ABHD3: variants seen among roughly 807,000 people sequenced by gnomAD.
The protein encoded by ABHD3 is abhydrolase domain containing 3, phospholipase, also known as phospholipase ABHD3.
In ABHD3, 46 loss-of-function variants were observed where a neutral mutation model predicts 48.8. The observed-to-expected ratio is 0.94, with a 90% CI of 0.74 to 1.20. ABHD3 has a LOEUF of 1.20. Ranked by LOEUF, ABHD3 falls within the 50% of genes most tolerant of loss-of-function variation. ABHD3 has a pLI of 0.00. For synonymous variants in ABHD3, 192 were observed against 183.7 expected (o/e 1.04, Z -0.36); for missense variants, 490 against 497.8 (o/e 0.98, Z 0.15).
intron 5 of ABHD3, 26 bp downstream of exon 5, chr18:21,664,092 A>C: frequency 6.3e-7 from 1 of 1,594,040 alleles, no homozygotes. Flanking sequence ...CCTCTCAGAG[A>C]TTATTTTAGA....
intron 3 of ABHD3, among the ~76,000 whole-genome samples, chr18:21,697,242 ATT>A (rs2040391419): frequency 6.6e-6 from 1 of 151,542 alleles, no homozygotes; most frequent in Non-Finnish European, 1.5e-5. Context: ...TACCTGGCTA[ATT>A]TTTGTATTTT....
At chr18:21,661,363 C>T (rs1296323213) in intron 5 of ABHD3, among the ~76,000 whole-genome samples, 20 of 151,998 alleles carry the variant, frequency 1.3e-4, no homozygotes, top group Non-Finnish European at 1.5e-5. Flanking sequence ...TCCAGCCGGG[C>T]GCAGTGGCTC....
intron 4 of ABHD3, among the ~76,000 whole-genome samples, chr18:21,666,743 A>C (rs2039640364): frequency 2.0e-5 from 3 of 152,194 alleles, no homozygotes; most frequent in Admixed American, 2.0e-4. Context: ...AATATATAAC[A>C]CATTTAAACA....
At chr18:21,674,255 T>C (rs1055152799) in intron 4 of ABHD3, among the ~76,000 whole-genome samples, 1 of 152,028 alleles carries the variant, frequency 6.6e-6, no homozygotes, top group Non-Finnish European at 1.5e-5. Flanking sequence ...TTTTTTTTTT[T>C]TTTTGAGCTA....
intron 1 of ABHD3, 76 bp from the exon 2 acceptor site, chr18:21,703,823 C>CT: frequency 6.6e-7 from 1 of 1,526,164 alleles, no homozygotes; most frequent in East Asian, 2.3e-5. Context: ...CCGGCAAAGA[C>CT]TTGTCGCTCG....
intron 3 of ABHD3, among the ~76,000 whole-genome samples, chr18:21,696,720 G>A (rs566728929): frequency 6.6e-6 from 1 of 151,396 alleles, no homozygotes; most frequent in South Asian, 2.1e-4. Flanking sequence ...ATTATTCATT[G>A]TTATTATTTA....
intron 4 of ABHD3, among the ~76,000 whole-genome samples, chr18:21,678,141 G>A (rs1360876872): frequency 6.6e-6 from 1 of 151,438 alleles, no homozygotes; most frequent in Admixed American, 6.6e-5. Context: ...TTTTTGTAGA[G>A]ACAAGATCTT....
chr18:21,683,517 TA>T, intron 4 of ABHD3: 1 of 513,274 alleles, frequency 1.9e-6, no homozygotes, highest in African/African-American at 2.0e-5. Context: ...TGTTTTGCAT[TA>T]AAAATGAGGC....
Position 21,703,754 on chromosome 18 carries a change from G to A in ABHD3, c.163-7C>T. On this transcript the variant is annotated splice_region_variant and splice_polypyrimidine_tract_variant and intron_variant, in intron 1 of 8. Transcript: ENST00000289119. ...CGGTCACTAACTGGGGTTTCTGAAG[G>A]GAAAAGCAGTATCAGAGAAGGGCCC... The A allele has an allele frequency of 3.1e-6, 5 of 1,612,028 alleles. No individual in the cohort carries two copies. Among genetic ancestry groups the A allele is most frequent in the Non-Finnish European group, 4.2e-6 (5 of 1,178,480 alleles).
At chr18:21,672,147 G>C (rs2039770897) in intron 4 of ABHD3, among the ~76,000 whole-genome samples, 1 of 151,950 alleles carries the variant, frequency 6.6e-6, no homozygotes, top group South Asian at 2.1e-4. Context: ...CAGTTTTCTT[G>C]TACCAGATTT....
Position 21,664,159 on chromosome 18 carries a change from G to A in ABHD3, c.627C>T (p.Tyr209=), listed in dbSNP as rs749321117. The A allele has an allele frequency of 1.1e-5, 17 of 1,613,962 alleles. No homozygotes were observed. The Admixed American group carries it at 2.7e-4, about 25-fold the overall frequency. The stretch of plus-strand genomic sequence containing the variant: ...CTGCTGCCAGGAAAGGAGCAGAAGG[G>A]TACAGGCTGTGTACATGGTGAATAA... ...ETVIHHVHSL[Y]PSAPFLAAGV... is the part of the protein sequence containing the mutation. The change falls in exon 5 of 9, where the codon TAC becomes TAT. Residue 209 remains tyrosine, a synonymous_variant. Coordinates refer to ENST00000289119, the MANE Select transcript of ABHD3 (RefSeq NM_138340.5).
intron 1 of ABHD3, 95 bp downstream of exon 1, chr18:21,704,409 G>C: frequency 8.3e-7 from 1 of 1,200,262 alleles, no homozygotes; most frequent in South Asian, 3.8e-5. Flanking sequence ...TATCCCCGGG[G>C]CTGCCGACCG....
chr18:21,659,085 C>T lies in ABHD3; in HGVS notation c.842+85G>A, dbSNP rs568194872. 4.2e-5 allele frequency: 58 copies of T among 1,369,252 alleles called. No homozygotes were observed. In the African/African-American group the frequency reaches 6.1e-4, roughly 14 times the overall value. 84.8% of individuals were successfully genotyped at this position (1,369,252 alleles called of 1,614,324 possible). On this transcript the variant is annotated intron_variant, in intron 6 of 8. Coordinates refer to ENST00000289119, the MANE Select transcript of ABHD3 (RefSeq NM_138340.5). ...CGATCTCCTGACCTCGTGATCCCCC[C>T]GCCTCAGCCTCCCAAAGTGCTGGGA...
chr18:21,691,245 GTA>G (rs2146327920), intron 3 of ABHD3, among the ~76,000 whole-genome samples: 1 of 152,266 alleles, frequency 6.6e-6, no homozygotes, highest in African/African-American at 2.4e-5. Context: ...TCTTAAATGT[GTA>G]TGTGTCTAAC....
intron 4 of ABHD3, 40 bp downstream of exon 4, chr18:21,683,880 C>A (rs1249214468): frequency 6.6e-7 from 1 of 1,517,628 alleles, no homozygotes; most frequent in Non-Finnish European, 8.9e-7. Flanking sequence ...AGAAATGATT[C>A]TTTAAAAAGT....
chr18:21,692,074 C>T (rs2040264203), intron 3 of ABHD3, among the ~76,000 whole-genome samples: 1 of 152,168 alleles, frequency 6.6e-6, no homozygotes, highest in Admixed American at 6.5e-5. Flanking sequence ...CTTAGCCTCC[C>T]AACTAGCTGG....
In ABHD3 at chr18:21,683,910, A is replaced by G. The variant is rs1568155029; in HGVS notation, c.555+10T>C. On this transcript the variant is annotated intron_variant, in intron 4 of 8. Coordinates refer to ENST00000289119, the MANE Select transcript of ABHD3 (RefSeq NM_138340.5). ...AAAAGTTAAGACTGTTGTCATTTAA[A>G]TTTACTTACCAAGAGATTCTCCCCC... is the stretch of plus-strand genomic sequence containing the variant. The G allele has an allele frequency of 6.3e-7, 1 of 1,587,966 alleles. No homozygotes were observed. Among genetic ancestry groups the G allele is most frequent in the East Asian group, 2.3e-5 (1 of 44,094 alleles).
chr18:21,668,462 G>A (rs1413809233), intron 4 of ABHD3, among the ~76,000 whole-genome samples: 1 of 152,036 alleles, frequency 6.6e-6, no homozygotes, highest in Non-Finnish European at 1.5e-5. Flanking sequence ...GACACATACA[G>A]AGTTAGGGCA....
intron 1 of ABHD3, among the ~76,000 whole-genome samples, chr18:21,704,026 G>A (rs1290882487): frequency 6.6e-6 from 1 of 152,198 alleles, no homozygotes; most frequent in Non-Finnish European, 1.5e-5. Context: ...CGAGTAGCTG[G>A]GATTGCAGGC....
Sources: gnomAD v4.1 joint callset for allele counts (sites outside exome capture counted in the v4.1 genomes callset) on GRCh38, gnomAD v4.1.1 for gene constraint, MANE v1.5 for transcripts, NCBI Gene and HGNC (gene_info 2026-07-23, HGNC 2026-07-21) for gene names.